The following ITFG1 variants were observed in gnomAD, a reference collection of about 807,000 sequenced individuals.
ITFG1 encodes integrin alpha FG-GAP repeat containing 1.
ITFG1 carries 34 observed loss-of-function variants against 81.8 expected under a neutral mutation model. The ratio of observed to expected loss-of-function variants is 0.42; its 90% CI spans 0.32 to 0.55. The LOEUF (loss-of-function observed/expected upper bound fraction) is 0.55, where lower values mean the gene tolerates loss of function less well. ITFG1 is among the 20% of genes least tolerant of loss of function. ITFG1 has a pLI of 0.17. For missense variants in ITFG1, 672 were observed against 755.4 expected, an observed-to-expected ratio of 0.89 and a Z score of 1.29; for synonymous variants, 285 against 270.6, an observed-to-expected ratio of 1.05 and a Z score of -0.52.
rs56117889 is a variant in ITFG1 at position 47,163,914 on chromosome 16, T to TACACAC, written c.1454-1256_1454-1251dup. On this transcript the variant is annotated intron_variant, in intron 14 of 17. Coordinates refer to ENST00000320640, the MANE Select transcript of ITFG1 (RefSeq NM_030790.5). ...AATAAACACGTGAAAGAAGCTCAAC[T>TACACAC]ACACACACACACACACACACACACA... Among the ~76,000 whole-genome samples the TACACAC allele has an allele frequency of 4.7e-4, 65 of 139,422 alleles. 1 individual carries two copies. The highest frequency in any genetic ancestry group is 1.4e-3 in the African/African-American group (53 of 38,256). The allele number at this position is 139,422 out of a possible 152,430, so 91.5% of individuals were successfully genotyped here. A position where few individuals can be genotyped will look rare whatever the true frequency, so the allele number is the denominator to read the frequency against.
chr16:47,365,769 T>TC lies in ITFG1; in HGVS notation c.802+18_802+19insG. ...TGGAAAGGCAAAAGCCTTTTTTTTT[T>TC]TTTTTTACCAAATCTTACCAAAGTC... On this transcript the variant is annotated intron_variant, in intron 8 of 17. Transcript: ENST00000320640. 6.8e-7 allele frequency: 1 copy of TC among 1,465,654 alleles called. No homozygotes were observed. Among genetic ancestry groups the TC allele is most frequent in the Non-Finnish European group, 9.4e-7 (1 of 1,061,754 alleles). 90.8% of individuals were successfully genotyped at this position (1,465,654 alleles called of 1,614,324 possible). A position where few individuals can be genotyped will look rare whatever the true frequency, so the allele number is the denominator to read the frequency against.
intron 8 of ITFG1, among the ~76,000 whole-genome samples, chr16:47,322,632 G>A (rs1967465705): frequency 6.6e-6 from 1 of 152,196 alleles, no homozygotes; most frequent in Non-Finnish European, 1.5e-5. Flanking sequence ...GGAGGTTGCA[G>A]TGAGCTGAGA....
At chr16:47,367,757 G>A (rs1005009945) in intron 7 of ITFG1, among the ~76,000 whole-genome samples, 1 of 152,124 alleles carries the variant, frequency 6.6e-6, no homozygotes, top group South Asian at 2.1e-4. Context: ...GCAGAAACAT[G>A]TTTCCCCTCC....
chr16:47,443,622 A>G (rs1307553231), intron 5 of ITFG1, among the ~76,000 whole-genome samples: 1 of 152,130 alleles, frequency 6.6e-6, no homozygotes, highest in Non-Finnish European at 1.5e-5. Flanking sequence ...GCTGGAAACC[A>G]TCACTCTCAG....
intron 10 of ITFG1, chr16:47,262,997 C>T (rs759782664): frequency 1.5e-4 from 27 of 185,742 alleles, no homozygotes; most frequent in Non-Finnish European, 2.3e-4. Flanking sequence ...TCAACCCCTA[C>T]CCGAAGCCAT....
chr16:47,241,929 G>C (rs1965939519), intron 12 of ITFG1, among the ~76,000 whole-genome samples: 1 of 151,152 alleles, frequency 6.6e-6, no homozygotes, highest in African/African-American at 2.4e-5. Context: ...TCTCCAGCCT[G>C]GGTGACAGAG....
At chr16:47,232,695 G>A (rs1449560857) in intron 13 of ITFG1, among the ~76,000 whole-genome samples, 1 of 150,700 alleles carries the variant, frequency 6.6e-6, no homozygotes, top group African/African-American at 2.4e-5. Context: ...AGGCTGCAGT[G>A]CAGTGGTGTG....
chr16:47,251,260 C>A (rs1966071204), intron 12 of ITFG1, among the ~76,000 whole-genome samples: 1 of 152,204 alleles, frequency 6.6e-6, no homozygotes, highest in Non-Finnish European at 1.5e-5. Context: ...ACAGAGAAGG[C>A]AGCTGGAGTT....
Position 47,428,802 on chromosome 16 carries a change from A to G in ITFG1, c.655+2T>C, listed in dbSNP as rs995024759. 3.1e-6 allele frequency: 5 copies of G among 1,590,530 alleles called. No homozygotes were observed. Among genetic ancestry groups the G allele is most frequent in the African/African-American group, 1.3e-5 (1 of 74,424 alleles). On this transcript the variant is annotated splice_donor_variant, in intron 6 of 17. Coordinates refer to ENST00000320640, the MANE Select transcript of ITFG1 (RefSeq NM_030790.5). LOFTEE classifies it high-confidence loss of function. ...ACAATTCCAGATTTATGTGCAACTC[A>G]CCTGCTGTAAAATCTTCAGTCAGAT...
chr16:47,428,898 C>A lies in ITFG1; in HGVS notation c.561G>T (p.Gly187=). 6.5e-7 allele frequency: 1 copy of A among 1,545,244 alleles called. No individual in the cohort carries two copies. Among genetic ancestry groups the A allele is most frequent in the South Asian group, 1.2e-5 (1 of 83,592 alleles). The change falls in exon 6 of 18, where the codon GGG becomes GGT. Residue 187 remains glycine, a splice_region_variant and synonymous_variant. Transcript: ENST00000320640. ...ESNQPQILLG[G]NLSWHPALTT... ...TCAATGCTGGATGCCATGATAAATT[C>A]CTAAAAAATAAAATAAAAATACTTT...
At chr16:47,352,604 T>C (rs1476421310) in intron 8 of ITFG1, among the ~76,000 whole-genome samples, 1 of 152,220 alleles carries the variant, frequency 6.6e-6, no homozygotes, top group Non-Finnish European at 1.5e-5. Context: ...TTTTATACTG[T>C]TGGTGGGACC....
intron 14 of ITFG1, among the ~76,000 whole-genome samples, chr16:47,216,641 A>G (rs1260209828): frequency 6.6e-6 from 1 of 151,858 alleles, no homozygotes; most frequent in African/African-American, 2.4e-5. Context: ...TGAAGTGAGA[A>G]TTATTTTATT....
chr16:47,400,119 T>A (rs1355229240), intron 6 of ITFG1, among the ~76,000 whole-genome samples: 1 of 152,204 alleles, frequency 6.6e-6, no homozygotes, highest in Admixed American at 6.5e-5. Context: ...AGAATCAGGA[T>A]TGGCATCCAG....
chr16:47,427,072 T>C (rs548121394), intron 6 of ITFG1, among the ~76,000 whole-genome samples: 2 of 152,258 alleles, frequency 1.3e-5, no homozygotes, highest in East Asian at 3.9e-4. Flanking sequence ...GGATGGGAGT[T>C]CTTTTTAACA....
chr16:47,161,071 G>C (rs2151506150), intron 16 of ITFG1, among the ~76,000 whole-genome samples: 1 of 152,226 alleles, frequency 6.6e-6, no homozygotes, highest in East Asian at 1.9e-4. Context: ...TTAAATGTTA[G>C]TGAATACTTT....
intron 8 of ITFG1, among the ~76,000 whole-genome samples, chr16:47,349,605 A>G (rs1257269099): frequency 1.3e-5 from 2 of 152,194 alleles, no homozygotes; most frequent in Non-Finnish European, 2.9e-5. Context: ...CCACACAATA[A>G]TAATGGGAGA....
At chr16:47,459,676 T>C (rs1462190049) in intron 1 of ITFG1, among the ~76,000 whole-genome samples, 1 of 152,158 alleles carries the variant, frequency 6.6e-6, no homozygotes, top group Non-Finnish European at 1.5e-5. Flanking sequence ...CCTCCTCCTA[T>C]GGGGCCATCC....
At chr16:47,238,228 GAAC>G (rs1378552525) in intron 12 of ITFG1, 3 of 427,460 alleles carry the variant, frequency 7.0e-6, no homozygotes, top group Non-Finnish European at 1.3e-5. Flanking sequence ...ACTATTTTGT[GAAC>G]TATATAGGTG....
intron 8 of ITFG1, among the ~76,000 whole-genome samples, chr16:47,324,789 C>T (rs907176187): frequency 3.3e-5 from 5 of 152,250 alleles, no homozygotes; most frequent in African/African-American, 4.8e-5. Context: ...GCTAACTATC[C>T]TAAATATATA....
Sources: allele counts gnomAD v4.1 joint callset (sites outside exome capture counted in the v4.1 genomes callset), GRCh38; gene constraint gnomAD v4.1.1; transcripts MANE v1.5; gene names NCBI Gene and HGNC (gene_info 2026-07-23, HGNC 2026-07-21).